STK32B: variants seen among roughly 807,000 people sequenced by gnomAD.
The protein encoded by STK32B is serine/threonine-protein kinase 32B.
STK32B carries 43 observed loss-of-function variants against 52.6 expected under a neutral mutation model. The ratio of observed to expected loss-of-function variants is 0.82; its 90% CI spans 0.64 to 1.05. The LOEUF is 1.05. Ranked by LOEUF, STK32B falls within the 50% of genes least tolerant of loss-of-function variation. The probability of loss-of-function intolerance (pLI) is 0.00; values close to 1 mark genes in which losing one functional copy is unlikely to be tolerated. For synonymous variants in STK32B, 238 were observed against 204.3 expected (o/e 1.17, Z -1.41); for missense variants, 621 against 534.6 (o/e 1.16, Z -1.59).
intron 4 of STK32B, among the ~76,000 whole-genome samples, chr4:5,348,959 A>G (rs1187131360): frequency 6.6e-6 from 1 of 152,082 alleles, no homozygotes; most frequent in Non-Finnish European, 1.5e-5. Flanking sequence ...ACCCACCCAC[A>G]TGTGCCACCT....
At chr4:5,433,332 C>A (rs966111654) in intron 6 of STK32B, among the ~76,000 whole-genome samples, 1 of 152,086 alleles carries the variant, frequency 6.6e-6, no homozygotes, top group African/African-American at 2.4e-5. Flanking sequence ...ACTGAGAACC[C>A]AGGAGAAGGG....
chr4:5,258,842 C>G (rs1311651068), intron 3 of STK32B, among the ~76,000 whole-genome samples: 1 of 152,204 alleles, frequency 6.6e-6, no homozygotes, highest in African/African-American at 2.4e-5. Context: ...TTCCTCTCTT[C>G]TCAACCAGCC....
chr4:5,442,905 T>A (rs1460850728), intron 6 of STK32B, among the ~76,000 whole-genome samples: 1 of 152,060 alleles, frequency 6.6e-6, no homozygotes, highest in Non-Finnish European at 1.5e-5. Flanking sequence ...TTGAAAATTC[T>A]TTTCTTTAAG....
chr4:5,085,879 A>AC (rs1202485009), intron 1 of STK32B, among the ~76,000 whole-genome samples: 9 of 152,342 alleles, frequency 5.9e-5, no homozygotes, highest in African/African-American at 2.2e-4. Context: ...CAGAGAGAGC[A>AC]GAAGAGACCT....
intron 1 of STK32B, among the ~76,000 whole-genome samples, chr4:5,130,588 C>T (rs935034347): frequency 1.3e-5 from 2 of 152,076 alleles, no homozygotes; most frequent in Non-Finnish European, 2.9e-5. Flanking sequence ...CTGCAGTGGT[C>T]TAATCTGTTG....
chr4:5,322,393 C>T (rs1731566554), intron 3 of STK32B, among the ~76,000 whole-genome samples: 1 of 152,132 alleles, frequency 6.6e-6, no homozygotes, highest in Admixed American at 6.5e-5. Flanking sequence ...GAGACCTCCC[C>T]TCCATCTGCT....
chr4:5,353,889 A>C (rs1473879479), intron 4 of STK32B, among the ~76,000 whole-genome samples: 3 of 152,240 alleles, frequency 2.0e-5, no homozygotes, highest in African/African-American at 7.2e-5. Flanking sequence ...CTGGGTGTTT[A>C]TGAAAAGGAA....
At chr4:5,106,436 A>G (rs1714111537) in intron 1 of STK32B, among the ~76,000 whole-genome samples, 1 of 152,228 alleles carries the variant, frequency 6.6e-6, no homozygotes, top group African/African-American at 2.4e-5. Context: ...AAAGAACTTT[A>G]CTATATTCTC....
intron 4 of STK32B, among the ~76,000 whole-genome samples, chr4:5,344,379 A>G (rs937983910): frequency 1.3e-5 from 2 of 152,226 alleles, no homozygotes; most frequent in African/African-American, 4.8e-5. Context: ...AACATCTTCC[A>G]GTGAAGTCCG....
chr4:5,032,995 G>A, the STK32B span, among the ~76,000 whole-genome samples: 1 of 152,098 alleles, frequency 6.6e-6, no homozygotes, highest in African/African-American at 2.4e-5. Context: ...TCTCACATGG[G>A]GCTGAGAGAG....
At chr4:5,148,508 A>T (rs1320878128) in intron 2 of STK32B, among the ~76,000 whole-genome samples, 1 of 151,682 alleles carries the variant, frequency 6.6e-6, no homozygotes, top group Non-Finnish European at 1.5e-5. Flanking sequence ...TTATTTAGTT[A>T]TGTGTTGTTT....
intron 3 of STK32B, among the ~76,000 whole-genome samples, chr4:5,207,002 G>T (rs1722614161): frequency 6.6e-6 from 1 of 152,088 alleles, no homozygotes; most frequent in Non-Finnish European, 1.5e-5. Context: ...GTCTTTGTGG[G>T]GTCAGCAAAC....
chr4:5,305,798 T>G (rs1190554499), intron 3 of STK32B, among the ~76,000 whole-genome samples: 1 of 152,172 alleles, frequency 6.6e-6, no homozygotes, highest in Non-Finnish European at 1.5e-5. Context: ...GACCTTAGAT[T>G]GTCTACTGGT....
At chr4:5,109,757 C>G (rs1054095654) in intron 1 of STK32B, among the ~76,000 whole-genome samples, 2 of 152,142 alleles carry the variant, frequency 1.3e-5, no homozygotes, top group South Asian at 4.2e-4. Context: ...TACTAACAGT[C>G]CTAGCCAGAG....
At chr4:5,447,286 G>A (rs1431113994) in intron 7 of STK32B, 1 of 153,262 alleles carries the variant, frequency 6.5e-6, no homozygotes, top group Admixed American at 6.5e-5. Flanking sequence ...GATGATTAAT[G>A]GGGCTATTTG....
the STK32B span, among the ~76,000 whole-genome samples, chr4:5,025,396 G>A: frequency 3.3e-5 from 5 of 152,204 alleles, no homozygotes; most frequent in Non-Finnish European, 5.9e-5. Context: ...ATTGCAGTGA[G>A]TGACCAAAGG....
chr4:5,464,899 G>A (rs1169345331), intron 9 of STK32B, among the ~76,000 whole-genome samples: 2 of 152,204 alleles, frequency 1.3e-5, no homozygotes, highest in African/African-American at 2.4e-5. Context: ...AGGTAAAACA[G>A]GTCTGGAGAG....
At chr4:5,096,497 C>A (rs16836633) in intron 1 of STK32B, among the ~76,000 whole-genome samples, 1 of 136,960 alleles carries the variant, frequency 7.3e-6, no homozygotes, top group Non-Finnish European at 1.7e-5. Flanking sequence ...AACATTCCAA[C>A]GGTCACCACA....
At chr4:5,264,408 A>G (rs963052598) in intron 3 of STK32B, among the ~76,000 whole-genome samples, 1 of 152,056 alleles carries the variant, frequency 6.6e-6, no homozygotes, top group South Asian at 2.1e-4. Flanking sequence ...GGGCACTTTT[A>G]ATCTAATTAT....
Sources: allele counts gnomAD v4.1 joint callset (sites outside exome capture counted in the v4.1 genomes callset), GRCh38; gene constraint gnomAD v4.1.1; transcripts MANE v1.5; gene names NCBI Gene and HGNC (gene_info 2026-07-23, HGNC 2026-07-21).